The following COL25A1 variants were observed in gnomAD, a reference collection of about 807,000 sequenced individuals.
The protein encoded by COL25A1 is collagen type XXV alpha 1 chain, also known as collagen alpha-1(XXV) chain.
A neutral mutation model predicts 128.4 loss-of-function variants in COL25A1; 103 were observed. The observed-to-expected ratio is 0.80, with a 90% CI of 0.68 to 0.94. COL25A1 has a LOEUF of 0.94. COL25A1 is among the 40% of genes least tolerant of loss of function. The probability of loss-of-function intolerance (pLI) is 0.00; values close to 1 mark genes in which losing one functional copy is unlikely to be tolerated. For missense variants in COL25A1, 745 were observed against 840.0 expected (o/e 0.89, Z 1.40); for synonymous variants, 279 against 277.2 (o/e 1.01, Z -0.06).
intron 13 of COL25A1, among the ~76,000 whole-genome samples, chr4:108,914,257 T>TA (rs1439741318): frequency 6.6e-6 from 1 of 152,074 alleles, no homozygotes; most frequent in Non-Finnish European, 1.5e-5. Flanking sequence ...CTGAGAAACT[T>TA]AGAGATAAAT....
At chr4:109,218,366 T>TTGTTTGTTTG (rs1362011627) in intron 3 of COL25A1, among the ~76,000 whole-genome samples, 2 of 134,036 alleles carry the variant, frequency 1.5e-5, no homozygotes, top group Non-Finnish European at 3.1e-5. Flanking sequence ...GGTTTTTTTT[T>TTGTTTGTTTG]TTTTTTTTTT....
chr4:109,147,810 C>CT (rs1176469843), intron 3 of COL25A1, among the ~76,000 whole-genome samples: 2 of 139,238 alleles, frequency 1.4e-5, no homozygotes, highest in African/African-American at 2.8e-5. Context: ...CAGAAAGACT[C>CT]TGTCTCAAAA....
chr4:108,945,980 A>G (rs988674802), intron 8 of COL25A1, among the ~76,000 whole-genome samples: 3 of 152,160 alleles, frequency 2.0e-5, no homozygotes, highest in Non-Finnish European at 4.4e-5. Flanking sequence ...TAATTTGTAC[A>G]TATTTTCACA....
intron 3 of COL25A1, among the ~76,000 whole-genome samples, chr4:109,094,142 T>C (rs907220261): frequency 3.3e-5 from 5 of 152,244 alleles, no homozygotes; most frequent in Non-Finnish European, 7.3e-5. Context: ...TTTCTACATA[T>C]ATGAAATATC....
At chr4:108,904,229 C>G (rs1391296823) in intron 13 of COL25A1, among the ~76,000 whole-genome samples, 1 of 152,018 alleles carries the variant, frequency 6.6e-6, no homozygotes, top group Non-Finnish European at 1.5e-5. Context: ...TGAATGTTTC[C>G]TGAGACATAA....
At chr4:108,999,039 G>C (rs6851502) in intron 6 of COL25A1, among the ~76,000 whole-genome samples, 367 of 152,136 alleles carry the variant, frequency 2.4e-3, no homozygotes, top group African/African-American at 8.5e-3. Context: ...CAATACCATT[G>C]AGGACATAGG....
intron 19 of COL25A1, among the ~76,000 whole-genome samples, chr4:108,869,438 T>C (rs1738432611): frequency 6.6e-6 from 1 of 152,134 alleles, no homozygotes; most frequent in Non-Finnish European, 1.5e-5. Flanking sequence ...CCTGAATTTG[T>C]AGCTGAGTCA....
chr4:108,823,950 G>A, intron 35 of COL25A1: 1 of 1,434,898 alleles, frequency 7.0e-7, no homozygotes, highest in Non-Finnish European at 9.1e-7. Context: ...AGAATATCTG[G>A]TGATAATAAT....
At chr4:109,206,143 G>A (rs1168135377) in intron 3 of COL25A1, among the ~76,000 whole-genome samples, 3 of 152,040 alleles carry the variant, frequency 2.0e-5, no homozygotes, top group Admixed American at 1.3e-4. Context: ...TTTCTCTAAC[G>A]TTATCTTATG....
chr4:109,067,427 AG>A (rs1260726709), intron 3 of COL25A1, among the ~76,000 whole-genome samples: 2 of 152,170 alleles, frequency 1.3e-5, no homozygotes, highest in Non-Finnish European at 2.9e-5. Context: ...TTGATGTCTA[AG>A]GAAAAAAAAA....
rs1021562809 is a variant in COL25A1 at position 109,302,400 on chromosome 4, G to T, written c.-288C>A. ...GAGGGCAACGGCCGAGGCGCCACGCGGGGCCGCGGCTCGCCCTGGCCACGG... is the reference window on the plus strand; with the variant it reads ...GAGGGCAACGGCCGAGGCGCCACGCTGGGCCGCGGCTCGCCCTGGCCACGG... On this transcript the variant is annotated 5_prime_UTR_variant, in exon 1 of 38. Coordinates refer to ENST00000399132, the MANE Select transcript of COL25A1 (RefSeq NM_198721.4). 4.7e-6 allele frequency: 1 copy of T among 212,212 alleles called. No individual in the cohort carries two copies. The highest frequency in any genetic ancestry group is 9.3e-6 in the Non-Finnish European group (1 of 107,858). 13.1% of individuals were successfully genotyped at this position (212,212 alleles called of 1,614,324 possible). A position where few individuals can be genotyped will look rare whatever the true frequency, so the allele number is the denominator to read the frequency against.
chr4:108,957,788 G>A (rs1448069852), intron 8 of COL25A1, among the ~76,000 whole-genome samples: 1 of 152,128 alleles, frequency 6.6e-6, no homozygotes, highest in Non-Finnish European at 1.5e-5. Context: ...TATAAGAAAA[G>A]GTTTGATGAG....
At chr4:109,293,403 G>GA (rs1477574579) in intron 3 of COL25A1, among the ~76,000 whole-genome samples, 1 of 151,808 alleles carries the variant, frequency 6.6e-6, no homozygotes, top group East Asian at 1.9e-4. Context: ...GTAAACAAGG[G>GA]AAAAAATAGA....
intron 20 of COL25A1, among the ~76,000 whole-genome samples, chr4:108,865,603 T>A (rs545536029): frequency 6.6e-6 from 1 of 152,194 alleles, no homozygotes; most frequent in Non-Finnish European, 1.5e-5. Context: ...TATATAAAAA[T>A]TATTAAAAAA....
chr4:108,999,354 CAT>C (rs1491517606), intron 6 of COL25A1, among the ~76,000 whole-genome samples: 1 of 152,108 alleles, frequency 6.6e-6, no homozygotes, highest in Non-Finnish European at 1.5e-5. Context: ...AGCCAACAGA[CAT>C]ATGAAAAAAT....
intron 10 of COL25A1, among the ~76,000 whole-genome samples, chr4:108,938,176 A>G (rs1164775501): frequency 6.6e-6 from 1 of 152,202 alleles, no homozygotes; most frequent in Non-Finnish European, 1.5e-5. Flanking sequence ...ATGAGCAGAG[A>G]CTGATGTTAA....
intron 3 of COL25A1, among the ~76,000 whole-genome samples, chr4:109,219,530 C>T (rs1186879725): frequency 6.6e-6 from 1 of 151,052 alleles, no homozygotes; most frequent in Non-Finnish European, 1.5e-5. Flanking sequence ...GCCTGCCACA[C>T]TCCCAATCTC....
chr4:108,815,312 G>A (rs1398628879), intron 37 of COL25A1, among the ~76,000 whole-genome samples: 3 of 152,038 alleles, frequency 2.0e-5, no homozygotes, highest in African/African-American at 7.2e-5. Context: ...TGTTCAAAAG[G>A]GTGATACACC....
chr4:108,849,234 T>C (rs773826809), intron 26 of COL25A1, among the ~76,000 whole-genome samples: 4 of 152,084 alleles, frequency 2.6e-5, no homozygotes, highest in Non-Finnish European at 5.9e-5. Context: ...CCTAAAAAAG[T>C]AAAATGCAAA....
Sources: allele counts gnomAD v4.1 joint callset (sites outside exome capture counted in the v4.1 genomes callset), GRCh38; gene constraint gnomAD v4.1.1; transcripts MANE v1.5; gene names NCBI Gene and HGNC (gene_info 2026-07-23, HGNC 2026-07-21).